Variants in DNMBP observed in about 807,000 individuals in gnomAD.
DNMBP encodes the protein dynamin binding protein, also known as dynamin-binding protein.
A neutral mutation model predicts 150.0 loss-of-function variants in DNMBP; 87 were observed. That is an observed-to-expected ratio of 0.58 (90% CI 0.49 to 0.69). DNMBP has a LOEUF of 0.69. Ranked by LOEUF, DNMBP falls within the 30% of genes least tolerant of loss-of-function variation. The probability of loss-of-function intolerance (pLI) is 0.00; values close to 1 mark genes in which losing one functional copy is unlikely to be tolerated. For missense variants in DNMBP, 1,774 were observed against 1,949.0 expected (o/e 0.91, Z 1.69); for synonymous variants, 711 against 750.4 (o/e 0.95, Z 0.86).
chr10:99,976,465 G>A (rs1396767380), intron 1 of DNMBP, among the ~76,000 whole-genome samples: 3 of 152,072 alleles, frequency 2.0e-5, no homozygotes, highest in Admixed American at 6.6e-5. Flanking sequence ...CTCTTTCAAC[G>A]TCAGCCTACC....
intron 6 of DNMBP, among the ~76,000 whole-genome samples, chr10:99,906,246 G>T (rs773597095): frequency 2.0e-5 from 3 of 152,132 alleles, no homozygotes; most frequent in Non-Finnish European, 2.9e-5. Flanking sequence ...CATCAGCTTA[G>T]CTGCATGCAT....
chr10:99,898,680 GAGTT>G (rs1162288364), intron 8 of DNMBP, 59 bp downstream of exon 8: 37 of 1,565,978 alleles, frequency 2.4e-5, no homozygotes, highest in African/African-American at 4.1e-5. Context: ...AGTTGCTTAA[GAGTT>G]AGTTAGGAAA....
intron 4 of DNMBP, among the ~76,000 whole-genome samples, chr10:99,937,520 G>A (rs1485512503): frequency 6.6e-6 from 1 of 152,150 alleles, no homozygotes; most frequent in African/African-American, 2.4e-5. Context: ...TGATTTCATG[G>A]CACTAGACTA....
intron 1 of DNMBP, among the ~76,000 whole-genome samples, chr10:100,008,487 T>G (rs1167280502): frequency 6.6e-6 from 1 of 152,228 alleles, no homozygotes; most frequent in African/African-American, 2.4e-5. Flanking sequence ...AACACGTAAG[T>G]ATCTGCAATT....
At chr10:99,938,520 C>T (rs1243195259) in intron 4 of DNMBP, among the ~76,000 whole-genome samples, 1 of 151,910 alleles carries the variant, frequency 6.6e-6, no homozygotes, top group African/African-American at 2.4e-5. Context: ...ATTCCAGCCT[C>T]GGTGACACAG....
intron 4 of DNMBP, among the ~76,000 whole-genome samples, chr10:99,953,456 T>C (rs2040446222): frequency 6.6e-6 from 1 of 152,098 alleles, no homozygotes; most frequent in East Asian, 1.9e-4. Context: ...ACCTTTAGGG[T>C]AGCTGTGAAC....
intron 6 of DNMBP, among the ~76,000 whole-genome samples, chr10:99,905,686 C>T (rs1267331708): frequency 6.6e-6 from 1 of 152,186 alleles, no homozygotes; most frequent in Non-Finnish European, 1.5e-5. Context: ...GACCTTGTCT[C>T]AAAAACATGT....
chr10:99,880,139 G>A lies in DNMBP; in HGVS notation c.4220C>T (p.Ser1407Phe), dbSNP rs2039342749. ...GSCQKQPQDA[S>F]PPPKECDQGT... The stretch of plus-strand genomic sequence containing the variant: ...TTGGTCACATTCTTTTGGCGGAGGA[G>A]ATGCATCTTGAGGCTGCTTCTGGCA... The change falls in exon 16 of 17, where the codon TCT (serine) becomes TTT (phenylalanine). Residue 1407 changes from serine (S) to phenylalanine (F), a missense_variant. Ser to Phe is a radical substitution (Grantham distance 155). Transcript: ENST00000324109. 6.2e-7 allele frequency: 1 copy of A among 1,614,054 alleles called. No individual in the cohort carries two copies. The highest frequency in any genetic ancestry group is 1.3e-5 in the African/African-American group (1 of 74,932).
chr10:99,937,245 C>G (rs1228900194), intron 4 of DNMBP, among the ~76,000 whole-genome samples: 1 of 152,082 alleles, frequency 6.6e-6, no homozygotes, highest in Non-Finnish European at 1.5e-5. Context: ...CTTCTGATGT[C>G]CACTTGTTCT....
chr10:99,947,118 G>C (rs1322194617), intron 4 of DNMBP, among the ~76,000 whole-genome samples: 1 of 152,180 alleles, frequency 6.6e-6, no homozygotes, highest in Non-Finnish European at 1.5e-5. Context: ...CACTGTTAGT[G>C]GGAATGTAAA....
At chr10:99,880,854 CTT>C (rs2133190587) in intron 15 of DNMBP, among the ~76,000 whole-genome samples, 1 of 152,288 alleles carries the variant, frequency 6.6e-6, no homozygotes, top group African/African-American at 2.4e-5. Context: ...AATCCTAGCT[CTT>C]TGGGAAGCTG....
chr10:99,890,785 T>A (rs2039544825), intron 11 of DNMBP, among the ~76,000 whole-genome samples: 1 of 152,174 alleles, frequency 6.6e-6, no homozygotes, highest in Admixed American at 6.5e-5. Context: ...TAGCTGGGAT[T>A]ACAGGTGCCT....
chr10:99,895,424 A>G (rs954165896), intron 10 of DNMBP, among the ~76,000 whole-genome samples: 5 of 152,192 alleles, frequency 3.3e-5, no homozygotes, highest in African/African-American at 1.2e-4. Context: ...CACCACGCCC[A>G]GCCAAAAGTA....
chr10:99,987,111 C>T (rs1381722656), intron 1 of DNMBP, among the ~76,000 whole-genome samples: 9 of 149,298 alleles, frequency 6.0e-5, no homozygotes, highest in African/African-American at 1.5e-4. Context: ...GCTGAGATCG[C>T]GCCACTGCAC....
rs1008020706 is a variant in DNMBP, at chr10:99,886,742, T to C, written c.3286-110A>G. On this transcript the variant is annotated intron_variant, in intron 12 of 16. Transcript: ENST00000324109. ...TTGTGTCCTGAACCACCTACTTCGTTTCTAGTACACAAGCTAAACCCATAC... is the reference window on the plus strand; with the variant it reads ...TTGTGTCCTGAACCACCTACTTCGTCTCTAGTACACAAGCTAAACCCATAC... 7.2e-6 allele frequency: 7 copies of C among 974,542 alleles called. No homozygotes were observed. The African/African-American group carries it at 1.1e-4, about 16-fold the overall frequency. 60.4% of individuals were successfully genotyped at this position (974,542 alleles called of 1,614,324 possible). A position where few individuals can be genotyped will look rare whatever the true frequency, so the allele number is the denominator to read the frequency against.
At chr10:99,941,702 A>C (rs1299713014) in intron 4 of DNMBP, among the ~76,000 whole-genome samples, 1 of 152,124 alleles carries the variant, frequency 6.6e-6, no homozygotes, top group Non-Finnish European at 1.5e-5. Context: ...TCCTGACCTC[A>C]GGTGATCCGC....
At chr10:99,944,266 TAATC>T (rs1400127263) in intron 4 of DNMBP, among the ~76,000 whole-genome samples, 2 of 152,188 alleles carry the variant, frequency 1.3e-5, no homozygotes, top group East Asian at 3.8e-4. Context: ...TTTTTTAAAT[TAATC>T]AACGTGTAGC....
In DNMBP at chr10:99,956,901, T is replaced by C. The variant is rs757105028; in HGVS notation, c.573A>G (p.Arg191=). The change falls in exon 4 of 17, where the codon AGA becomes AGG. Residue 191 remains arginine, a synonymous_variant. Transcript: ENST00000324109. ...CTACAAAACCTTCTGGAAAAATGCC[T>C]CTTCGGCCCTCTAACTCCCCTTCAA... ...GWFEGELEGR[R]GIFPEGFVEL... is the part of the protein sequence containing the mutation. The C allele has an allele frequency of 1.9e-6, 3 of 1,614,186 alleles. No individual in the cohort carries two copies. Among genetic ancestry groups the C allele is most frequent in the Admixed American group, 1.7e-5 (1 of 60,020 alleles).
intron 2 of DNMBP, among the ~76,000 whole-genome samples, chr10:99,969,702 G>A (rs925798742): frequency 3.9e-5 from 6 of 152,144 alleles, no homozygotes; most frequent in African/African-American, 7.2e-5. Context: ...CGGTGGACAA[G>A]GTTTTAATAG....
Sources: allele counts gnomAD v4.1 joint callset (sites outside exome capture counted in the v4.1 genomes callset), GRCh38; gene constraint gnomAD v4.1.1; transcripts MANE v1.5; gene names NCBI Gene and HGNC (gene_info 2026-07-23, HGNC 2026-07-21).